The following LRMDA variants were observed in gnomAD, a reference collection of about 807,000 sequenced individuals.
The protein encoded by LRMDA is leucine-rich melanocyte differentiation-associated protein.
Under a neutral mutation model 29.8 loss-of-function variants are expected in LRMDA, and 18 were observed. That is an observed-to-expected ratio of 0.60 (90% CI 0.42 to 0.90). LRMDA has a LOEUF of 0.90. Ranked by LOEUF, LRMDA falls within the 40% of genes least tolerant of loss-of-function variation. The pLI is 0.00. For synonymous variants in LRMDA, 125 were observed against 109.4 expected (o/e 1.14, Z -0.89); for missense variants, 273 against 273.9 (o/e 1.00, Z 0.02).
intron 5 of LRMDA, among the ~76,000 whole-genome samples, chr10:76,322,341 T>C (rs1308981655): frequency 6.9e-6 from 1 of 145,880 alleles, no homozygotes; most frequent in East Asian, 2.0e-4. Flanking sequence ...GATCATTGAT[T>C]TGTAGTTGTT....
chr10:76,343,161 T>C (rs561878308), intron 6 of LRMDA, among the ~76,000 whole-genome samples: 21 of 152,332 alleles, frequency 1.4e-4, no homozygotes, highest in Middle Eastern at 6.8e-3. Flanking sequence ...CTGATCCCAA[T>C]GCTATTTAAA....
chr10:75,499,429 C>T (rs562463589), intron 2 of LRMDA, among the ~76,000 whole-genome samples: 5 of 152,254 alleles, frequency 3.3e-5, no homozygotes, highest in South Asian at 2.1e-4. Flanking sequence ...TACTCCCCAG[C>T]GGGATGAGCA....
intron 5 of LRMDA, among the ~76,000 whole-genome samples, chr10:76,224,058 G>A (rs1851902488): frequency 6.6e-6 from 1 of 152,106 alleles, no homozygotes; most frequent in South Asian, 2.1e-4. Context: ...TTGTGGCTGT[G>A]CCTCAGTAGG....
At chr10:76,483,389 G>A (rs1048833304) in intron 6 of LRMDA, among the ~76,000 whole-genome samples, 2 of 151,956 alleles carry the variant, frequency 1.3e-5, no homozygotes, top group Non-Finnish European at 2.9e-5. Context: ...AGAGAAGGCT[G>A]CCAGGCAGGG....
At chr10:76,214,840 A>G (rs1009743948) in intron 5 of LRMDA, among the ~76,000 whole-genome samples, 2 of 152,198 alleles carry the variant, frequency 1.3e-5, no homozygotes, top group Non-Finnish European at 2.9e-5. Flanking sequence ...ATGTGGCAGG[A>G]GCTGTACTTG....
intron 5 of LRMDA, among the ~76,000 whole-genome samples, chr10:76,105,445 T>A (rs183839539): frequency 8.9e-4 from 135 of 152,116 alleles, no homozygotes; most frequent in Non-Finnish European, 1.7e-3. Context: ...TCTTTACACA[T>A]GTAATTAAGT....
intron 2 of LRMDA, among the ~76,000 whole-genome samples, chr10:75,709,592 A>G (rs1309689353): frequency 1.3e-5 from 2 of 152,028 alleles, no homozygotes; most frequent in East Asian, 3.9e-4. Flanking sequence ...AGGTCAATTA[A>G]TCGTGCAGAA....
At position 76,496,496 on chromosome 10, in the gene LRMDA, G is replaced by A. The variant is rs572444451; in HGVS notation, c.602-60713G>A. 6.0e-4 allele frequency among the ~76,000 whole-genome samples: 45 copies of A among 75,288 alleles called. 12 individuals are homozygous for A. Among genetic ancestry groups the A allele is most frequent in the African/African-American group, 1.4e-3 (43 of 31,014 alleles). 49.4% of individuals were successfully genotyped at this position (75,288 alleles called of 152,430 possible). Reference sequence around the variant, plus strand: ...CGTTGCTCTATATCCAATGTCTTTCGTATATTTTGTTCAGTATTTTAGTTG... The same window carrying A: ...CGTTGCTCTATATCCAATGTCTTTCATATATTTTGTTCAGTATTTTAGTTG... On this transcript the variant is annotated intron_variant, in intron 6 of 6. Coordinates refer to ENST00000611255, the MANE Select transcript of LRMDA (RefSeq NM_001305581.2).
intron 2 of LRMDA, among the ~76,000 whole-genome samples, chr10:75,764,928 CGTGT>C (rs57422251): frequency 0.012 from 1,711 of 142,740 alleles, 14 homozygotes; most frequent in Middle Eastern, 0.032. Context: ...GCAAGAGACA[CGTGT>C]GTGTGTGTGT....
At position 76,363,176 on chromosome 10, in the gene LRMDA, A is replaced by AGAAGGGAG. The variant is rs1459442138; in HGVS notation, c.601+38692_601+38693insAAGGGAGG. Among the ~76,000 whole-genome samples the AGAAGGGAG allele has an allele frequency of 5.3e-3, 116 of 21,794 alleles. 9 individuals carry two copies. The highest frequency in any genetic ancestry group is 9.9e-3 in the Non-Finnish European group (85 of 8,598). The allele number at this position is 21,794 out of a possible 152,430, so 14.3% of individuals were successfully genotyped here. On this transcript the variant is annotated intron_variant, in intron 6 of 6. Transcript: ENST00000611255. ...AAGAAAGAAAGAAAGAAAGAAAGAA[A>AGAAGGGAG]GGAGGGAGGGAGGGAGGGAGGGAGG...
chr10:76,152,501 C>T (rs536338942), intron 5 of LRMDA, among the ~76,000 whole-genome samples: 8 of 152,030 alleles, frequency 5.3e-5, no homozygotes, highest in South Asian at 2.1e-4. Context: ...TTTTTGTATA[C>T]GTTTTTGTGT....
At chr10:75,741,413 C>T (rs1842827885) in intron 2 of LRMDA, among the ~76,000 whole-genome samples, 1 of 151,912 alleles carries the variant, frequency 6.6e-6, no homozygotes, top group African/African-American at 2.4e-5. Flanking sequence ...GCTTCTGCCA[C>T]CAGCCAGAGA....
At chr10:76,043,290 G>A (rs1204825055) in intron 3 of LRMDA, among the ~76,000 whole-genome samples, 1 of 152,126 alleles carries the variant, frequency 6.6e-6, no homozygotes, top group Non-Finnish European at 1.5e-5. Context: ...TTAATATGGT[G>A]GATAGTAAGA....
chr10:76,476,860 C>T (rs995840755), intron 6 of LRMDA, among the ~76,000 whole-genome samples: 4 of 152,118 alleles, frequency 2.6e-5, no homozygotes, highest in Non-Finnish European at 5.9e-5. Flanking sequence ...GCCCTTCATG[C>T]TAAAAACTCT....
rs1239182155 is a variant in LRMDA at position 75,640,781 on chromosome 10, A to T, written c.131+202287A>T. 5.3e-5 allele frequency among the ~76,000 whole-genome samples: 8 copies of T among 150,174 alleles called. No individual in the cohort carries two copies. In the East Asian group the frequency reaches 5.9e-4, roughly 11 times the overall value. On this transcript the variant is annotated intron_variant, in intron 2 of 6. Transcript: ENST00000611255. ...TGAGTTCAAAGGGAAGCTTTTTTTT[A>T]AACAAAACAAAACAAAACAAAAACC...
At chr10:75,851,139 C>T (rs1844726389) in intron 2 of LRMDA, among the ~76,000 whole-genome samples, 1 of 152,098 alleles carries the variant, frequency 6.6e-6, no homozygotes, top group Non-Finnish European at 1.5e-5. Context: ...TATCTTGTGT[C>T]TAGAACATAT....
At chr10:75,442,218 G>C (rs1338327056) in intron 2 of LRMDA, among the ~76,000 whole-genome samples, 13 of 152,212 alleles carry the variant, frequency 8.5e-5, no homozygotes, top group Admixed American at 5.9e-4. Flanking sequence ...GATGATTACT[G>C]AGCTGAAGCT....
intron 2 of LRMDA, among the ~76,000 whole-genome samples, chr10:75,534,351 G>T (rs1022381296): frequency 4.6e-5 from 7 of 152,184 alleles, no homozygotes; most frequent in Non-Finnish European, 7.3e-5. Context: ...GTCATGTGGT[G>T]TACTTTAAAA....
At chr10:76,501,627 G>A (rs1197150528) in intron 6 of LRMDA, among the ~76,000 whole-genome samples, 1 of 151,940 alleles carries the variant, frequency 6.6e-6, no homozygotes, top group South Asian at 2.1e-4. Flanking sequence ...TAGTGATGAT[G>A]AGGATTTTTT....
Sources: allele counts gnomAD v4.1 joint callset (sites outside exome capture counted in the v4.1 genomes callset), GRCh38; gene constraint gnomAD v4.1.1; transcripts MANE v1.5; gene names NCBI Gene and HGNC (gene_info 2026-07-23, HGNC 2026-07-21).